The following A2M variants were observed in gnomAD, a reference collection of about 807,000 sequenced individuals.
A2M encodes the protein C3 and PZP-like alpha-2-macroglobulin domain-containing protein 5.
A2M carries 128 observed loss-of-function variants against 183.9 expected under a neutral mutation model. The ratio of observed to expected loss-of-function variants is 0.70; its 90% CI spans 0.60 to 0.81. The LOEUF is 0.81. Among genes scored for constraint, A2M ranks in the 30% least tolerant of loss-of-function variants. A2M has a pLI of 0.00. For missense variants in A2M, 1,495 were observed against 1,787.6 expected (o/e 0.84, Z 2.95); for synonymous variants, 592 against 670.8 (o/e 0.88, Z 1.81).
intron 22 of A2M, among the ~76,000 whole-genome samples, chr12:9,087,639 C>G (rs2111023): frequency 0.29 from 43,646 of 151,938 alleles, 7,484 homozygotes; most frequent in South Asian, 0.37. Flanking sequence ...TTCAAACTTG[C>G]TTAGAGAATT....
chr12:9,090,603 A>T (rs1949181442), intron 19 of A2M, 121 bp from the exon 20 acceptor site: 1 of 1,014,648 alleles, frequency 9.9e-7, no homozygotes, highest in Non-Finnish European at 1.4e-6. Flanking sequence ...AAGATGATAT[A>T]AATGAAGATC....
chr12:9,072,199 A>G (rs1948598867), intron 31 of A2M, among the ~76,000 whole-genome samples, 160 bp downstream of exon 31: 1 of 152,208 alleles, frequency 6.6e-6, no homozygotes. Flanking sequence ...GGACAATGTA[A>G]ACCCCATCAT....
At chr12:9,069,655 G>C in intron 33 of A2M, 90 bp downstream of exon 33, 2 of 879,938 alleles carry the variant, frequency 2.3e-6, no homozygotes, top group East Asian at 2.5e-5. Context: ...GCATGGAAGT[G>C]ATGTTTCTAA....
intron 28 of A2M, among the ~76,000 whole-genome samples, chr12:9,075,220 G>T (rs1053560979): frequency 6.6e-6 from 1 of 152,084 alleles, no homozygotes; most frequent in African/African-American, 2.4e-5. Context: ...AAAAAATACA[G>T]TAATCCTTGA....
chr12:9,079,700 TA>T lies in A2M; in HGVS notation c.2969del (p.Leu990GlnfsTer27). 6.2e-7 allele frequency: 1 copy of T among 1,613,808 alleles called. No individual in the cohort carries two copies. On this transcript the variant is annotated frameshift_variant, in exon 24 of 36. Transcript: ENST00000318602. LOFTEE classifies it high-confidence loss of function. Reference sequence around the variant, plus strand: ...CTGGAGTAAGCTGCTGTGTTTCATTTAGATAATCCAGTACATAGATGTTAGG... The same window carrying T: ...CTGGAGTAAGCTGCTGTGTTTCATTTGATAATCCAGTACATAGATGTTAGG... Reference protein sequence around the residue: ...FAPNIYVLDYLNETQQLTPEI... With the variant: ...FAPNIYVLDYXNETQQLTPEI...
At chr12:9,099,172 T>G (rs1949476061) in intron 14 of A2M, among the ~76,000 whole-genome samples, 1 of 152,164 alleles carries the variant, frequency 6.6e-6, no homozygotes, top group Non-Finnish European at 1.5e-5. Flanking sequence ...GTGTAATTGG[T>G]AAGAGGCACT....
At chr12:9,113,859 A>C (rs1175260559) in intron 1 of A2M, among the ~76,000 whole-genome samples, 1 of 152,238 alleles carries the variant, frequency 6.6e-6, no homozygotes, top group African/African-American at 2.4e-5. Flanking sequence ...TCATGTTGTA[A>C]AATCTATTTT....
In A2M at chr12:9,109,978, T is replaced by G; in HGVS notation, c.562A>C (p.Lys188Gln). Residue 188 changes from lysine to glutamine, a missense_variant, in exon 6 of 36, where the codon AAG becomes CAG. Lys to Gln is a moderately conservative substitution (Grantham distance 53). Transcript: ENST00000318602. ...WQSFQLEGGL[K>Q]QFSFPLSSEP... The stretch of plus-strand genomic sequence containing the variant: ...GATGAGAGGGGAAAAGAAAATTGCT[T>G]GAGGCCACCCTCTAACTGGAAACTC... 6.2e-7 allele frequency: 1 copy of G among 1,613,762 alleles called. No individual in the cohort carries two copies. The highest frequency in any genetic ancestry group is 8.5e-7 in the Non-Finnish European group (1 of 1,179,810).
At chr12:9,096,931 G>A (rs1274628920) in intron 15 of A2M, among the ~76,000 whole-genome samples, 1 of 152,134 alleles carries the variant, frequency 6.6e-6, no homozygotes, top group African/African-American at 2.4e-5. Flanking sequence ...AAATAAATGT[G>A]TTGAATGAAT....
At position 9,107,626 on chromosome 12, in the gene A2M, A is replaced by G. The variant is rs749155639; in HGVS notation, c.777T>C (p.Pro259=). 1 of 1,613,970 alleles carries G rather than the reference A, an allele frequency of 6.2e-7. No individual in the cohort carries two copies. The highest frequency in any genetic ancestry group is 1.1e-5 in the South Asian group (1 of 91,082). Residue 259 remains proline (P), a synonymous_variant, in exon 8 of 36, where the codon CCT becomes CCC. Transcript: ENST00000318602. The part of the protein sequence containing the change: ...SVCGLYTYGK[P]VPGHVTVSIC... ...TGCTCACAGTCACATGTCCAGGGAC[A>G]GGCTTCCCATATGTGTATCTGTCAT...
chr12:9,095,351 A>G (rs983761848), intron 16 of A2M, among the ~76,000 whole-genome samples, 188 bp downstream of exon 16: 5 of 152,208 alleles, frequency 3.3e-5, no homozygotes, highest in Admixed American at 2.6e-4. Flanking sequence ...CTTGAATAAT[A>G]CTCCAAAAAG....
intron 18 of A2M, among the ~76,000 whole-genome samples, chr12:9,092,432 A>G (rs1949241648): frequency 6.6e-6 from 1 of 152,094 alleles, no homozygotes; most frequent in South Asian, 2.1e-4. Context: ...CCTTGGCTCA[A>G]TACAGAGAGA....
intron 22 of A2M, among the ~76,000 whole-genome samples, chr12:9,083,173 A>G (rs1471262563): frequency 6.6e-6 from 1 of 152,124 alleles, no homozygotes; most frequent in Non-Finnish European, 1.5e-5. Flanking sequence ...TCTCACTCAT[A>G]GGTGGGAATT....
intron 18 of A2M, 102 bp downstream of exon 18, chr12:9,093,363 A>G: frequency 1.3e-6 from 1 of 754,892 alleles, no homozygotes; most frequent in Non-Finnish European, 2.3e-6. Flanking sequence ...CATGTTGTAC[A>G]TCATAAACAT....
chr12:9,098,524 T>C (rs1722495799), intron 15 of A2M, 83 bp downstream of exon 15: 6 of 1,457,524 alleles, frequency 4.1e-6, no homozygotes, highest in African/African-American at 1.4e-5. Flanking sequence ...TTAATTGATC[T>C]TATCCTACTT....
At chr12:9,104,855 A>C (rs1938163846) in intron 10 of A2M, among the ~76,000 whole-genome samples, 1 of 152,158 alleles carries the variant, frequency 6.6e-6, no homozygotes, top group Non-Finnish European at 1.5e-5. Flanking sequence ...TTTGGAGTGG[A>C]CCATTAACTT....
rs369822629 is a variant in A2M at position 9,095,047 on chromosome 12, C to T, written c.2051G>A (p.Arg684His). The change falls in exon 17 of 36, where the codon CGT (arginine) becomes CAT (histidine). Residue 684 changes from arginine (R) to histidine (H), a missense_variant. Physicochemically the swap from Arg to His is conservative, Grantham distance 29 (BLOSUM62 0). Coordinates refer to ENST00000318602, the MANE Select transcript of A2M (RefSeq NM_000014.6). The stretch of plus-strand genomic sequence containing the variant: ...AAGCTGTGGACACATTTTGGGTTTA[C>T]GAATCTTTGAGTTGGTGAATGCCTT... Reference protein sequence around the residue: ...GLKAFTNSKIRKPKMCPQLQQ... With the variant: ...GLKAFTNSKIHKPKMCPQLQQ... The T allele has an allele frequency of 5.4e-5, 86 of 1,595,118 alleles. No individual in the cohort carries two copies. In the South Asian group the frequency reaches 6.9e-4, roughly 13 times the overall value.
At chr12:9,106,154 C>A in intron 10 of A2M, 82 bp downstream of exon 10, 2 of 775,726 alleles carry the variant, frequency 2.6e-6, no homozygotes, top group Non-Finnish European at 4.3e-6. Flanking sequence ...ATTAACCAGG[C>A]ATGGTTTTAG....
intron 2 of A2M, 107 bp from the exon 3 acceptor site, chr12:9,112,643 A>T (rs1250682021): frequency 1.3e-5 from 16 of 1,236,136 alleles, no homozygotes; most frequent in Non-Finnish European, 1.5e-5. Flanking sequence ...ACTTAACTTC[A>T]CTCCCTTGTT....
Sources: gnomAD v4.1 joint callset for allele counts (sites outside exome capture counted in the v4.1 genomes callset) on GRCh38, gnomAD v4.1.1 for gene constraint, MANE v1.5 for transcripts, NCBI Gene and HGNC (gene_info 2026-07-23, HGNC 2026-07-21) for gene names.